ZMAT4: variants seen among roughly 807,000 people sequenced by gnomAD.
ZMAT4 encodes the protein zinc finger matrin-type protein 4.
In ZMAT4, 17 loss-of-function variants were observed where a neutral mutation model predicts 28.7. That is an observed-to-expected ratio of 0.59 (90% CI 0.41 to 0.89). The LOEUF is 0.89. Ranked by LOEUF, ZMAT4 falls within the 40% of genes least tolerant of loss-of-function variation. The pLI, the probability that ZMAT4 is intolerant of heterozygous loss-of-function variation, is 0.00. For synonymous variants in ZMAT4, 117 were observed against 109.2 expected (o/e 1.07, Z -0.44); for missense variants, 240 against 283.8 (o/e 0.85, Z 1.11).
Position 40,778,917 on chromosome 8 carries a change from T to C in ZMAT4, c.103-11187A>G, listed in dbSNP as rs567124108. 3.9e-5 allele frequency among the ~76,000 whole-genome samples: 6 copies of C among 152,322 alleles called. No individual in the cohort carries two copies. In the East Asian group the frequency reaches 1.2e-3, roughly 29 times the overall value. On this transcript the variant is annotated intron_variant, in intron 2 of 6. Transcript: ENST00000297737. ...TTTTTGAGTTGCAGGACTTTTATTT[T>C]AAATTGTAATGCATCCTCAACTCAA...
intron 5 of ZMAT4, among the ~76,000 whole-genome samples, chr8:40,673,442 A>C (rs1246813903): frequency 2.6e-5 from 4 of 152,134 alleles, no homozygotes; most frequent in African/African-American, 9.7e-5. Flanking sequence ...ACCCTGTTTA[A>C]ACTGAGGTTG....
intron 3 of ZMAT4, among the ~76,000 whole-genome samples, chr8:40,739,924 C>T (rs1811930498): frequency 6.6e-6 from 1 of 152,160 alleles, no homozygotes; most frequent in South Asian, 2.1e-4. Flanking sequence ...TGTTAGTTTG[C>T]TGACAATGAT....
intron 5 of ZMAT4, among the ~76,000 whole-genome samples, chr8:40,631,753 A>G (rs1444490101): frequency 6.6e-6 from 1 of 152,222 alleles, no homozygotes; most frequent in African/African-American, 2.4e-5. Context: ...TTAGGCATTT[A>G]GAGAGAGTTT....
At chr8:40,733,178 G>A (rs537612052) in intron 3 of ZMAT4, among the ~76,000 whole-genome samples, 124 of 151,970 alleles carry the variant, frequency 8.2e-4, no homozygotes, top group Non-Finnish European at 1.5e-3. Context: ...ACAGTTAAAG[G>A]GAGCTGACAT....
chr8:40,708,352 T>C (rs532114282), intron 3 of ZMAT4, among the ~76,000 whole-genome samples: 3 of 152,154 alleles, frequency 2.0e-5, no homozygotes, highest in Non-Finnish European at 4.4e-5. Context: ...AGCCTAGACC[T>C]GCAAATTTTC....
intron 1 of ZMAT4, among the ~76,000 whole-genome samples, chr8:40,861,022 AT>A (rs1817470496): frequency 6.6e-6 from 1 of 152,110 alleles, no homozygotes; most frequent in Non-Finnish European, 1.5e-5. Context: ...ACCCCTCCTA[AT>A]CTAAATTCAG....
chr8:40,825,428 T>C, intron 2 of ZMAT4, 147 bp downstream of exon 2: 1 of 628,674 alleles, frequency 1.6e-6, no homozygotes, highest in East Asian at 2.9e-5. Context: ...ACACTTGTCC[T>C]GGCCTTGACC....
intron 6 of ZMAT4, among the ~76,000 whole-genome samples, chr8:40,557,519 A>C (rs1301848751): frequency 6.6e-6 from 1 of 152,204 alleles, no homozygotes; most frequent in Non-Finnish European, 1.5e-5. Flanking sequence ...GTCCTGAACC[A>C]ACCTCTTTAC....
In ZMAT4 at chr8:40,678,080, C is replaced by A. The variant is rs118106533; in HGVS notation, c.350-3149G>T. 3.6e-3 allele frequency among the ~76,000 whole-genome samples: 550 copies of A among 152,194 alleles called. 4 individuals are homozygous for A. The highest frequency in any genetic ancestry group is 9.3e-3 in the South Asian group (45 of 4,822). ...CCTGATTCGTGTTTCCAAAGCATGG[C>A]CAATGTTGAGAACAAATGATCTAAA... is the stretch of plus-strand genomic sequence containing the variant. On this transcript the variant is annotated intron_variant, in intron 4 of 6. Transcript: ENST00000297737.
chr8:40,552,151 T>C (rs1309244391), intron 6 of ZMAT4, among the ~76,000 whole-genome samples: 1 of 152,200 alleles, frequency 6.6e-6, no homozygotes, highest in Non-Finnish European at 1.5e-5. Flanking sequence ...AATAGCCCTC[T>C]CTTCTCTTGC....
At chr8:40,740,990 GCGCA>G (rs1208986747) in intron 3 of ZMAT4, among the ~76,000 whole-genome samples, 4 of 86,162 alleles carry the variant, frequency 4.6e-5, no homozygotes, top group African/African-American at 1.4e-4. Context: ...TTTGATAAAT[GCGCA>G]CACACACACA....
chr8:40,634,388 T>C (rs1399546140), intron 5 of ZMAT4, among the ~76,000 whole-genome samples: 2 of 152,210 alleles, frequency 1.3e-5, no homozygotes, highest in East Asian at 3.9e-4. Flanking sequence ...CTGAGGCTTT[T>C]ATTACTTCAG....
intron 5 of ZMAT4, among the ~76,000 whole-genome samples, chr8:40,623,196 A>G (rs1312486111): frequency 6.6e-6 from 1 of 152,192 alleles, no homozygotes; most frequent in Non-Finnish European, 1.5e-5. Flanking sequence ...GCAGAGGGAA[A>G]GTCACTAGAT....
intron 2 of ZMAT4, among the ~76,000 whole-genome samples, chr8:40,773,626 T>G (rs776853327): frequency 2.0e-5 from 3 of 152,234 alleles, no homozygotes; most frequent in Non-Finnish European, 4.4e-5. Context: ...GGCACTTTTT[T>G]GTCATTTAAT....
At chr8:40,773,450 G>A (rs913331389) in intron 2 of ZMAT4, among the ~76,000 whole-genome samples, 4 of 151,972 alleles carry the variant, frequency 2.6e-5, no homozygotes, top group Non-Finnish European at 5.9e-5. Flanking sequence ...ATCACACATA[G>A]CAGGGAAACA....
At chr8:40,555,863 T>C (rs1803516362) in intron 6 of ZMAT4, among the ~76,000 whole-genome samples, 1 of 152,182 alleles carries the variant, frequency 6.6e-6, no homozygotes, top group Admixed American at 6.5e-5. Context: ...TATTTAACAC[T>C]TAACACACTG....
intron 6 of ZMAT4, among the ~76,000 whole-genome samples, chr8:40,548,932 C>A (rs1035305023): frequency 2.0e-5 from 3 of 152,114 alleles, no homozygotes; most frequent in Admixed American, 6.6e-5. Context: ...AGCAAGCTAA[C>A]CAATACCATT....
At position 40,779,764 on chromosome 8, in the gene ZMAT4, G is replaced by A. The variant is rs114470378; in HGVS notation, c.103-12034C>T. Among the ~76,000 whole-genome samples, 1,344 of 152,192 alleles carry A rather than the reference G, an allele frequency of 8.8e-3. 19 individuals carry two copies. Among genetic ancestry groups the A allele is most frequent in the African/African-American group, 0.03 (1,261 of 41,514 alleles). On this transcript the variant is annotated intron_variant, in intron 2 of 6. Coordinates refer to ENST00000297737, the MANE Select transcript of ZMAT4 (RefSeq NM_024645.3). ...TTTTCAACTCTCCCATCTCTCCCTGGTGGCTGCCAAGCCCAGATTGGCAGG... is the reference window on the plus strand; with the variant it reads ...TTTTCAACTCTCCCATCTCTCCCTGATGGCTGCCAAGCCCAGATTGGCAGG...
At chr8:40,720,064 T>C (rs1205839851) in intron 3 of ZMAT4, among the ~76,000 whole-genome samples, 1 of 152,220 alleles carries the variant, frequency 6.6e-6, no homozygotes, top group Non-Finnish European at 1.5e-5. Flanking sequence ...AGGTCAACAA[T>C]GGACTTGCCT....
Sources: gnomAD v4.1 joint callset for allele counts (sites outside exome capture counted in the v4.1 genomes callset) on GRCh38, gnomAD v4.1.1 for gene constraint, MANE v1.5 for transcripts, NCBI Gene and HGNC (gene_info 2026-07-23, HGNC 2026-07-21) for gene names.